CLCN4: variants seen among roughly 807,000 people sequenced by gnomAD.
CLCN4 encodes Cl-/H+ antiporter 4.
CLCN4 carries 1 observed loss-of-function variant against 41.7 expected under a neutral mutation model. The ratio of observed to expected loss-of-function variants is 0.02; its 90% CI spans 0.01 to 0.11. The LOEUF (loss-of-function observed/expected upper bound fraction) is 0.11, where lower values mean the gene tolerates loss of function less well. CLCN4 is among the 10% of genes least tolerant of loss of function. CLCN4 has a pLI of 1.00. For synonymous variants in CLCN4, 277 were observed against 285.8 expected (o/e 0.97, Z 0.31); for missense variants, 287 against 661.0 (o/e 0.43, Z 6.20).
rs184474252 is a variant in CLCN4, at chrX:10,185,049, C to T, written c.17C>T (p.Ala6Val). ...GTAATTAGCATGGTCAATGCGGGAG[C>T]GATGAGTGGCTCTGGAAACCTGATG... MVNAG[A>V]MSGSGNLMDF... The change falls in exon 3 of 13, where the codon GCG becomes GTG. Residue 6 changes from alanine to valine, a missense_variant. Transcript: ENST00000380833. 45 of 1,205,521 alleles carry T rather than the reference C, an allele frequency of 3.7e-5. No individual in the cohort carries two copies. Among genetic ancestry groups the T allele is most frequent in the East Asian group, 8.9e-5 (3 of 33,691 alleles).
intron 7 of CLCN4, 36 bp downstream of exon 7, chrX:10,206,600 T>A: frequency 8.3e-7 from 1 of 1,200,016 alleles, no homozygotes; most frequent in Non-Finnish European, 1.1e-6. Context: ...AGCGAAACTT[T>A]CTTCTCAAAG....
chrX:10,158,498 A>G lies in CLCN4; in HGVS notation c.-65A>G. The G allele has an allele frequency of 3.4e-6, 1 of 297,373 alleles. No homozygotes were observed. The highest frequency in any genetic ancestry group is 4.8e-5 in the East Asian group (1 of 21,024). 24.5% of individuals were successfully genotyped at this position (297,373 alleles called of 1,213,427 possible). ...TCGCAGCCGTCGCGCTGAAGAAAGG[A>G]TGCTCGAGGATGCTGTCCAGGTGGG... On this transcript the variant is annotated 5_prime_UTR_variant, in exon 2 of 13. An upstream start codon of the reference 5' UTR is lost. Coordinates refer to ENST00000380833, the MANE Select transcript of CLCN4 (RefSeq NM_001830.4).
chrX:10,162,117 C>T (rs2147156017), intron 2 of CLCN4, among the ~76,000 whole-genome samples: 1 of 104,870 alleles, frequency 9.5e-6, no homozygotes, highest in Non-Finnish European at 1.9e-5. Flanking sequence ...CTCCTGGGTT[C>T]AAGCGATTGT....
intron 2 of CLCN4, among the ~76,000 whole-genome samples, chrX:10,172,456 G>A (rs1359661461): frequency 6.3e-5 from 7 of 111,712 alleles, no homozygotes; most frequent in Admixed American, 4.8e-4. Flanking sequence ...ATCAGATACA[G>A]TAGTTATTCT....
intron 10 of CLCN4, among the ~76,000 whole-genome samples, chrX:10,213,429 T>A (rs1301386529): frequency 1.8e-5 from 2 of 111,649 alleles, no homozygotes. Context: ...TGGGCCACGG[T>A]GAATAGACAA....
At chrX:10,203,390 T>C (rs1337316996) in intron 6 of CLCN4, among the ~76,000 whole-genome samples, 1 of 111,159 alleles carries the variant, frequency 9.0e-6, no homozygotes, top group Admixed American at 9.6e-5. Context: ...TGCCACGAGT[T>C]CAAGGCTAGT....
At chrX:10,187,164 A>G (rs1447942168) in intron 3 of CLCN4, among the ~76,000 whole-genome samples, 3 of 112,738 alleles carry the variant, frequency 2.7e-5, no homozygotes, top group Non-Finnish European at 5.6e-5. Context: ...AAGTTAAGAT[A>G]GTAACTCATA....
chrX:10,199,761 CT>C (rs1392312598), intron 6 of CLCN4, among the ~76,000 whole-genome samples: 2 of 109,983 alleles, frequency 1.8e-5, no homozygotes, highest in East Asian at 2.8e-4. Flanking sequence ...TTCTTTCTTT[CT>C]TTTTTTTCTT....
intron 2 of CLCN4, among the ~76,000 whole-genome samples, chrX:10,183,448 C>T (rs914290220): frequency 3.6e-5 from 4 of 112,345 alleles, no homozygotes; most frequent in African/African-American, 9.7e-5. Flanking sequence ...GAAGCCTGCA[C>T]TCAAATGTTT....
chrX:10,221,523 G>A (rs1038090383), intron 12 of CLCN4, among the ~76,000 whole-genome samples: 1 of 111,134 alleles, frequency 9.0e-6, no homozygotes, highest in African/African-American at 3.3e-5. Context: ...AGCCAAGTGT[G>A]CCCATAGTCC....
chrX:10,179,389 G>T (rs746402308), intron 2 of CLCN4, among the ~76,000 whole-genome samples: 47 of 111,847 alleles, frequency 4.2e-4, no homozygotes, highest in Non-Finnish European at 7.5e-4. Flanking sequence ...AAGTCTCTTG[G>T]TTAGTGGTCT....
rs1025883000 is a variant in CLCN4 at position 10,221,606 on chromosome X, C to T, written c.2192+729C>T. ...CCAAGGCTGCAGTGGCCCAGGATTG[C>T]ACCACTGCACTCCAGCCTTGGCAGC... On this transcript the variant is annotated intron_variant, in intron 12 of 12. Transcript: ENST00000380833. 1.3e-4 allele frequency among the ~76,000 whole-genome samples: 15 copies of T among 112,517 alleles called. 1 individual carries two copies. Among genetic ancestry groups the T allele is most frequent in the Middle Eastern group, 4.6e-3 (1 of 219 alleles).
At position 10,220,728 on chromosome X, in the gene CLCN4, C is replaced by A; in HGVS notation, c.2043C>A (p.Pro681=). 2.5e-6 allele frequency: 3 copies of A among 1,211,625 alleles called. No individual in the cohort carries two copies. The highest frequency in any genetic ancestry group is 3.4e-6 in the Non-Finnish European group (3 of 895,394). Residue 681 remains proline (P), a synonymous_variant, in exon 12 of 13, where the codon CCC becomes CCA. Coordinates refer to ENST00000380833, the MANE Select transcript of CLCN4 (RefSeq NM_001830.4). ...TCATGTACTTCACGGAGGAACCCCC[C>A]GAGCTGCCGGCCAACAGCCCACATC... The part of the protein sequence containing the change: ...NSIMYFTEEP[P]ELPANSPHPL...
intron 12 of CLCN4, among the ~76,000 whole-genome samples, chrX:10,227,365 A>C (rs2147191071): frequency 9.0e-6 from 1 of 111,717 alleles, no homozygotes; most frequent in East Asian, 2.8e-4. Context: ...TTCATGTTAA[A>C]AACTCTCAAT....
chrX:10,219,749 T>G (rs976518926), intron 11 of CLCN4, among the ~76,000 whole-genome samples: 3 of 112,550 alleles, frequency 2.7e-5, no homozygotes, highest in Non-Finnish European at 5.6e-5. Context: ...GGATCCATTT[T>G]AAAGCAAGCC....
chrX:10,211,906 A>G (rs1189939765), intron 9 of CLCN4, among the ~76,000 whole-genome samples: 2 of 111,903 alleles, frequency 1.8e-5, no homozygotes, highest in African/African-American at 6.5e-5. Flanking sequence ...AGGAAGAGGG[A>G]ATTGCCTCCC....
intron 2 of CLCN4, among the ~76,000 whole-genome samples, chrX:10,175,628 T>G (rs1324320938): frequency 8.9e-6 from 1 of 111,874 alleles, no homozygotes; most frequent in East Asian, 2.8e-4. Context: ...CTGAACTTGA[T>G]GTTCTTGGGC....
At chrX:10,194,401 G>T (rs752949187) in intron 4 of CLCN4, among the ~76,000 whole-genome samples, 51 of 111,824 alleles carry the variant, frequency 4.6e-4, no homozygotes, top group Non-Finnish European at 8.3e-4. Context: ...ATAATGCAGA[G>T]AGTTTTAATA....
chrX:10,203,465 C>G (rs985022269), intron 6 of CLCN4, among the ~76,000 whole-genome samples: 2 of 111,542 alleles, frequency 1.8e-5, no homozygotes, highest in Admixed American at 9.5e-5. Context: ...AAGGAGCTCA[C>G]TGAGTCCTTC....
Sources: gnomAD v4.1 joint callset for allele counts (sites outside exome capture counted in the v4.1 genomes callset) on GRCh38, gnomAD v4.1.1 for gene constraint, MANE v1.5 for transcripts, NCBI Gene and HGNC (gene_info 2026-07-23, HGNC 2026-07-21) for gene names.